Variants in OSBPL2 observed in about 807,000 individuals in gnomAD.
OSBPL2 encodes oxysterol binding protein like 2, also known as oxysterol-binding protein-related protein 2.
OSBPL2 carries 18 observed loss-of-function variants against 58.4 expected under a neutral mutation model. The observed-to-expected ratio is 0.31, with a 90% CI of 0.21 to 0.46. The LOEUF (loss-of-function observed/expected upper bound fraction) is 0.46, where lower values mean the gene tolerates loss of function less well. Ranked by LOEUF, OSBPL2 falls within the 20% of genes least tolerant of loss-of-function variation. The probability of loss-of-function intolerance (pLI) is 1.00; values close to 1 mark genes in which losing one functional copy is unlikely to be tolerated. For missense variants in OSBPL2, 461 were observed against 616.5 expected, an observed-to-expected ratio of 0.75 and a Z score of 2.67; for synonymous variants, 221 against 234.1, an observed-to-expected ratio of 0.94 and a Z score of 0.51.
chr20:62,283,905 C>A, intron 9 of OSBPL2, 141 bp from the exon 10 acceptor site: 1 of 811,886 alleles, frequency 1.2e-6, no homozygotes, highest in African/African-American at 1.7e-5. Flanking sequence ...TGCAAATTTT[C>A]ACCTTCGCAT....
At chr20:62,265,599 A>G (rs2145941485) in intron 4 of OSBPL2, among the ~76,000 whole-genome samples, 1 of 152,330 alleles carries the variant, frequency 6.6e-6, no homozygotes, top group East Asian at 1.9e-4. Flanking sequence ...CTCTCAGCAG[A>G]CAGCACTGGA....
intron 4 of OSBPL2, chr20:62,271,817 C>CATTAA: frequency 6.7e-6 from 2 of 300,254 alleles, no homozygotes; most frequent in Non-Finnish European, 1.2e-5. Flanking sequence ...CAGGTGGGCC[C>CATTAA]AAGAGCCCTT....
At chr20:62,256,599 C>T (rs1301012765) in intron 2 of OSBPL2, among the ~76,000 whole-genome samples, 4 of 152,206 alleles carry the variant, frequency 2.6e-5, no homozygotes, top group Admixed American at 6.5e-5. Flanking sequence ...TCTGCAGCTG[C>T]GCTCACAGCC....
At chr20:62,289,683 C>T (rs1182815769) in intron 12 of OSBPL2, among the ~76,000 whole-genome samples, 3 of 152,216 alleles carry the variant, frequency 2.0e-5, no homozygotes, top group Admixed American at 6.5e-5. Context: ...GCAGGTGGAT[C>T]ACCCAAGGTC....
chr20:62,284,274 G>GA, intron 10 of OSBPL2, 105 bp downstream of exon 10: 1 of 1,349,290 alleles, frequency 7.4e-7, no homozygotes, highest in Non-Finnish European at 1.1e-6. Flanking sequence ...GAACCTTTGG[G>GA]CCCCACCAGG....
chr20:62,295,616 G>C lies in OSBPL2; in HGVS notation c.*1729G>C, dbSNP rs749704023. On this transcript the variant is annotated 3_prime_UTR_variant, in exon 14 of 14. Transcript: ENST00000313733. This position sits in a 1 kb window ranked among gnomAD's most constrained non-coding sequence, Gnocchi z 4.8. ...TCTGAACAGAACCGCTCCGTGACTG[G>C]TAGCTGGGTCTGAGGATTCAGGATT... 1 of 152,228 alleles carries C rather than the reference G, an allele frequency of 6.6e-6. No individual in the cohort carries two copies. 9.4% of individuals were successfully genotyped at this position (152,228 alleles called of 1,614,324 possible).
At chr20:62,291,460 A>G in intron 12 of OSBPL2, 1 of 520,578 alleles carries the variant, frequency 1.9e-6, no homozygotes, top group Non-Finnish European at 3.5e-6. Context: ...GTGCTGTCGT[A>G]GAACACGCAG....
chr20:62,294,112 T>A lies in OSBPL2; in HGVS notation c.*225T>A. The A allele has an allele frequency of 1.6e-6, 1 of 608,854 alleles. No homozygotes were observed. The highest frequency in any genetic ancestry group is 3.6e-5 in the Admixed American group (1 of 27,702). The allele number at this position is 608,854 out of a possible 1,614,324, so 37.7% of individuals were successfully genotyped here. ...TAAAGCTTCACTTGGGATCATCGTC[T>A]TCATTAAGGTTTCAACAGGGAAATT... On this transcript the variant is annotated 3_prime_UTR_variant, in exon 14 of 14. Coordinates refer to ENST00000313733, the MANE Select transcript of OSBPL2 (RefSeq NM_144498.4).
At chr20:62,279,125 A>T in intron 6 of OSBPL2, 32 bp from the exon 7 acceptor site, 4 of 1,571,474 alleles carry the variant, frequency 2.5e-6, no homozygotes, top group Non-Finnish European at 3.5e-6. Flanking sequence ...TGCTGCCATT[A>T]ATGTGTCTCT....
At chr20:62,252,782 C>A (rs966891711) in intron 1 of OSBPL2, among the ~76,000 whole-genome samples, 1 of 152,240 alleles carries the variant, frequency 6.6e-6, no homozygotes, top group South Asian at 2.1e-4. Flanking sequence ...AGCTTTTACT[C>A]GTGGTGGAAG....
rs1229291617 is a variant in OSBPL2 at position 62,294,128 on chromosome 20, C to G, written c.*241C>G. 2 of 570,792 alleles carry G rather than the reference C, an allele frequency of 3.5e-6. No individual in the cohort carries two copies. The highest frequency in any genetic ancestry group is 3.9e-5 in the African/African-American group (2 of 51,104). The allele number at this position is 570,792 out of a possible 1,614,324, so 35.4% of individuals were successfully genotyped here. On this transcript the variant is annotated 3_prime_UTR_variant, in exon 14 of 14. Transcript: ENST00000313733. ...ATCATCGTCTTCATTAAGGTTTCAA[C>G]AGGGAAATTCTTCACGGCGCCCTTT...
chr20:62,261,892 G>C (rs1409418203), intron 3 of OSBPL2, among the ~76,000 whole-genome samples: 1 of 152,148 alleles, frequency 6.6e-6, no homozygotes, highest in Non-Finnish European at 1.5e-5. Context: ...CCGAGTTGCT[G>C]GGATTACAGG....
chr20:62,241,004 C>A (rs1979691211), intron 1 of OSBPL2, among the ~76,000 whole-genome samples: 1 of 152,144 alleles, frequency 6.6e-6, no homozygotes, highest in South Asian at 2.1e-4. Context: ...TTAGAGTACA[C>A]ACGTAGGACA....
In OSBPL2 at chr20:62,282,079, G is replaced by A. The variant is rs543619461; in HGVS notation, c.872+200G>A. On this transcript the variant is annotated intron_variant, in intron 9 of 13. Coordinates refer to ENST00000313733, the MANE Select transcript of OSBPL2 (RefSeq NM_144498.4). ...TATTGAGCATAAAAGGAAATAAAGGGTATTTTTGAATGTAGTTTCTAGGTG... is the reference window on the plus strand; with the variant it reads ...TATTGAGCATAAAAGGAAATAAAGGATATTTTTGAATGTAGTTTCTAGGTG... 9.5e-5 allele frequency: 39 copies of A among 412,396 alleles called. No homozygotes were observed. The East Asian group carries it at 1.4e-3, about 14-fold the overall frequency. The allele number at this position is 412,396 out of a possible 1,614,324, so 25.5% of individuals were successfully genotyped here. A position where few individuals can be genotyped will look rare whatever the true frequency, so the allele number is the denominator to read the frequency against.
At chr20:62,256,300 G>T in intron 2 of OSBPL2, 79 bp downstream of exon 2, 1 of 1,355,440 alleles carries the variant, frequency 7.4e-7, no homozygotes, top group Non-Finnish European at 1.1e-6. Context: ...CTGGCGTTTG[G>T]GGTGTAAAGA....
chr20:62,293,907 G>T lies in OSBPL2; in HGVS notation c.*20G>T. ...TACTGAGGGCCTGGAGGGGCCTGGG[G>T]CCCGGGACCGGAGGCTGACGAGGCT... On this transcript the variant is annotated 3_prime_UTR_variant, in exon 14 of 14. Transcript: ENST00000313733. The T allele has an allele frequency of 6.2e-7, 1 of 1,610,794 alleles. No individual in the cohort carries two copies. Among genetic ancestry groups the T allele is most frequent in the East Asian group, 2.2e-5 (1 of 44,768 alleles).
intron 1 of OSBPL2, 150 bp from the exon 2 acceptor site, chr20:62,255,907 G>T: frequency 2.6e-6 from 1 of 385,132 alleles, no homozygotes; most frequent in South Asian, 2.8e-5. Flanking sequence ...TTTACTTTTT[G>T]AAATTATGTT....
intron 1 of OSBPL2, among the ~76,000 whole-genome samples, chr20:62,248,839 G>C (rs1404620073): frequency 1.3e-5 from 2 of 152,190 alleles, no homozygotes; most frequent in East Asian, 3.9e-4. Flanking sequence ...TTATAGGCAC[G>C]TGCCACTGTG....
intron 1 of OSBPL2, among the ~76,000 whole-genome samples, chr20:62,244,674 T>C (rs551132209): frequency 2.8e-4 from 42 of 152,390 alleles, no homozygotes; most frequent in African/African-American, 9.1e-4. Flanking sequence ...TGGCAATTAA[T>C]ATTCCACAGG....
Sources: gnomAD v4.1 joint callset for allele counts (sites outside exome capture counted in the v4.1 genomes callset) on GRCh38, gnomAD v4.1.1 for gene constraint, Gnocchi (gnomAD v3.1) non-coding constraint, MANE v1.5 for transcripts, NCBI Gene and HGNC (gene_info 2026-07-23, HGNC 2026-07-21) for gene names.